The following RFX4 variants were observed in gnomAD, a reference collection of about 807,000 sequenced individuals.
The protein encoded by RFX4 is regulatory factor X4.
In RFX4, 10 loss-of-function variants were observed where a neutral mutation model predicts 95.0. The ratio of observed to expected loss-of-function variants is 0.11; its 90% CI spans 0.06 to 0.18. RFX4 has a LOEUF of 0.18. RFX4 is among the 10% of genes least tolerant of loss of function. RFX4 has a pLI of 1.00. For synonymous variants in RFX4, 321 were observed against 340.7 expected, an observed-to-expected ratio of 0.94 and a Z score of 0.64; for missense variants, 640 against 922.0, an observed-to-expected ratio of 0.69 and a Z score of 3.96.
chr12:106,750,530 G>C, intron 16 of RFX4, 125 bp from the exon 17 acceptor site: 1 of 992,634 alleles, frequency 1.0e-6, no homozygotes, highest in Non-Finnish European at 1.4e-6. Flanking sequence ...GGGGTGAAGG[G>C]GGGAAGAAAA....
intron 8 of RFX4, among the ~76,000 whole-genome samples, chr12:106,705,596 G>C (rs556645296): frequency 1.3e-5 from 2 of 152,290 alleles, no homozygotes; most frequent in South Asian, 4.2e-4. Context: ...TGCTATCTGG[G>C]GCAAGAGCTT....
chr12:106,709,109 G>A (rs1189105287), intron 8 of RFX4, among the ~76,000 whole-genome samples: 1 of 152,174 alleles, frequency 6.6e-6, no homozygotes, highest in Non-Finnish European at 1.5e-5. Flanking sequence ...CCTTGCAGTG[G>A]CCATCAGTGA....
At position 106,655,354 on chromosome 12, in the gene RFX4, T is replaced by C. The variant is rs545729428; in HGVS notation, c.315+1003T>C. The stretch of plus-strand genomic sequence containing the variant: ...TCTCCAAAGTGAAAGGGATGTTTTT[T>C]TAAAAGTCAGTGGAGAAACTACCTT... On this transcript the variant is annotated intron_variant, in intron 4 of 17. Coordinates refer to ENST00000392842, the MANE Select transcript of RFX4 (RefSeq NM_213594.3). Among the ~76,000 whole-genome samples the C allele has an allele frequency of 5.9e-5, 9 of 152,364 alleles. No individual in the cohort carries two copies. In the South Asian group the frequency reaches 1.7e-3, roughly 28 times the overall value.
intron 5 of RFX4, chr12:106,685,047 TAGAGA>T (rs2041613232): frequency 1.4e-6 from 2 of 1,455,434 alleles, no homozygotes; most frequent in East Asian, 4.6e-5. Context: ...TCTCCATGGG[TAGAGA>T]AAAGTAGTTA....
At chr12:106,647,034 G>C (rs933593048) in intron 3 of RFX4, among the ~76,000 whole-genome samples, 1 of 152,168 alleles carries the variant, frequency 6.6e-6, no homozygotes, top group African/African-American at 2.4e-5. Flanking sequence ...GTCCTAACCA[G>C]AGCCTGTATG....
intron 1 of RFX4, among the ~76,000 whole-genome samples, chr12:106,593,257 C>T (rs115551349): frequency 9.8e-4 from 149 of 152,282 alleles, no homozygotes; most frequent in African/African-American, 3.5e-3. Context: ...GGCTGCAACC[C>T]GGTGAAGGTT....
chr12:106,680,341 CA>C (rs1565976432), intron 4 of RFX4, among the ~76,000 whole-genome samples: 1 of 152,142 alleles, frequency 6.6e-6, no homozygotes, highest in Non-Finnish European at 1.5e-5. Flanking sequence ...CCATTGATAC[CA>C]TTTTAGTTGA....
intron 8 of RFX4, among the ~76,000 whole-genome samples, chr12:106,707,192 C>G (rs1157809177): frequency 3.3e-5 from 5 of 151,630 alleles, no homozygotes; most frequent in Admixed American, 2.6e-4. Context: ...AAAAAGTGAT[C>G]AATAAAAATA....
chr12:106,614,848 T>A (rs1161540974), intron 2 of RFX4, among the ~76,000 whole-genome samples: 2 of 152,192 alleles, frequency 1.3e-5, no homozygotes, highest in Non-Finnish European at 2.9e-5. Flanking sequence ...GGTTTTCTCC[T>A]TAAAGGTTTG....
intron 16 of RFX4, among the ~76,000 whole-genome samples, chr12:106,749,372 A>G (rs1300551771): frequency 6.6e-6 from 1 of 151,550 alleles, no homozygotes; most frequent in African/African-American, 2.4e-5. Context: ...GAGGGGGAGG[A>G]TTTCTCAGGT....
At chr12:106,676,897 C>T (rs1212457119) in intron 4 of RFX4, among the ~76,000 whole-genome samples, 4 of 152,162 alleles carry the variant, frequency 2.6e-5, no homozygotes, top group Admixed American at 1.3e-4. Context: ...TGAGAGGCTT[C>T]GAGACATTCT....
intron 8 of RFX4, among the ~76,000 whole-genome samples, chr12:106,708,710 G>T (rs544870147): frequency 6.6e-6 from 1 of 152,158 alleles, no homozygotes; most frequent in African/African-American, 2.4e-5. Context: ...AATGGTGCCC[G>T]GTGTCTTCTC....
intron 4 of RFX4, 102 bp from the exon 5 acceptor site, chr12:106,681,891 G>T: frequency 8.3e-7 from 1 of 1,202,628 alleles, no homozygotes; most frequent in South Asian, 1.2e-5. Context: ...TGCAACCAAG[G>T]ACCTATGTTT....
At chr12:106,600,400 C>T (rs1304373013) in intron 1 of RFX4, among the ~76,000 whole-genome samples, 2 of 151,754 alleles carry the variant, frequency 1.3e-5, no homozygotes, top group African/African-American at 2.4e-5. Flanking sequence ...TTTTTTCTCT[C>T]GCGTGGCACT....
At chr12:106,689,186 C>T (rs1345695900) in intron 6 of RFX4, 101 bp from the exon 7 acceptor site, 4 of 973,190 alleles carry the variant, frequency 4.1e-6, no homozygotes, top group Non-Finnish European at 6.6e-6. Flanking sequence ...AATTGCATCC[C>T]CCCCACAGGG....
chr12:106,628,657 T>C (rs146048892), intron 2 of RFX4, among the ~76,000 whole-genome samples: 1 of 152,194 alleles, frequency 6.6e-6, no homozygotes, highest in African/African-American at 2.4e-5. Context: ...CACCTCCAAC[T>C]TCCCCCTGCA....
intron 3 of RFX4, among the ~76,000 whole-genome samples, chr12:106,653,503 C>T (rs910711519): frequency 6.6e-6 from 1 of 152,158 alleles, no homozygotes; most frequent in African/African-American, 2.4e-5. Flanking sequence ...AAGTAACTTG[C>T]CCAAGGTCAC....
At chr12:106,609,395 G>T (rs1006957285) in intron 2 of RFX4, among the ~76,000 whole-genome samples, 91 of 152,190 alleles carry the variant, frequency 6.0e-4, no homozygotes, top group African/African-American at 2.1e-3. Flanking sequence ...TCAGACTGGG[G>T]CTTCTGGGTG....
intron 4 of RFX4, among the ~76,000 whole-genome samples, chr12:106,668,491 G>A (rs553503736): frequency 1.9e-4 from 29 of 152,286 alleles, no homozygotes; most frequent in African/African-American, 6.7e-4. Flanking sequence ...ACTCAGGCAC[G>A]AGGCTGAGGT....
Sources: gnomAD v4.1 joint callset for allele counts (sites outside exome capture counted in the v4.1 genomes callset) on GRCh38, gnomAD v4.1.1 for gene constraint, MANE v1.5 for transcripts, NCBI Gene and HGNC (gene_info 2026-07-23, HGNC 2026-07-21) for gene names.